KHDC4: variants seen among roughly 807,000 people sequenced by gnomAD.
The protein encoded by KHDC4 is KH homology domain-containing protein 4.
In KHDC4, 19 loss-of-function variants were observed where a neutral mutation model predicts 74.5. The ratio of observed to expected loss-of-function variants is 0.26; its 90% CI spans 0.18 to 0.37. The LOEUF (loss-of-function observed/expected upper bound fraction) is 0.37. KHDC4 is among the 10% of genes least tolerant of loss of function. The pLI, the probability that KHDC4 is intolerant of heterozygous loss-of-function variation, is 1.00. For synonymous variants in KHDC4, 253 were observed against 266.1 expected (o/e 0.95, Z 0.48); for missense variants, 632 against 754.1 (o/e 0.84, Z 1.90).
chr1:155,919,994 T>A (rs759719348), intron 10 of KHDC4: 1 of 517,844 alleles, frequency 1.9e-6, no homozygotes, highest in Non-Finnish European at 3.9e-6. Flanking sequence ...ATGGCATGGG[T>A]ACACTATGAG....
intron 10 of KHDC4, among the ~76,000 whole-genome samples, chr1:155,919,267 C>T (rs1673800613): frequency 6.6e-6 from 1 of 152,070 alleles, no homozygotes; most frequent in African/African-American, 2.4e-5. Context: ...ACTGCGGCTG[C>T]CTTAACTCCC....
intron 4 of KHDC4, among the ~76,000 whole-genome samples, chr1:155,928,657 A>G (rs1674076535): frequency 6.6e-6 from 1 of 151,528 alleles, no homozygotes; most frequent in Non-Finnish European, 1.5e-5. Flanking sequence ...AAAAAAGTTA[A>G]GAAGTATATA....
chr1:155,924,578 T>TC (rs1163413238), intron 7 of KHDC4, among the ~76,000 whole-genome samples: 6 of 147,636 alleles, frequency 4.1e-5, no homozygotes, highest in African/African-American at 7.5e-5. Flanking sequence ...ATTTCTCTTT[T>TC]TTTTTTTTTT....
chr1:155,930,242 C>G (rs1674112357), intron 2 of KHDC4, among the ~76,000 whole-genome samples: 1 of 152,172 alleles, frequency 6.6e-6, no homozygotes, highest in South Asian at 2.1e-4. Context: ...ATCCAATGTA[C>G]AACTATCCTT....
Position 155,915,860 on chromosome 1 carries a change from A to G in KHDC4, c.1645+13T>C, listed in dbSNP as rs1342433179. 13 of 1,534,410 alleles carry G rather than the reference A, an allele frequency of 8.5e-6. No homozygotes were observed. The highest frequency in any genetic ancestry group is 2.3e-5 in the South Asian group (2 of 86,798). On this transcript the variant is annotated intron_variant, in intron 13 of 13. Coordinates refer to ENST00000368321, the MANE Select transcript of KHDC4 (RefSeq NM_014949.4). ...TAGCCACTCCCCTGTTCCCCCAGCTATATCACACTCACCATGGCTCCCTGT... is the reference window on the plus strand; with the variant it reads ...TAGCCACTCCCCTGTTCCCCCAGCTGTATCACACTCACCATGGCTCCCTGT...
chr1:155,929,753 T>C lies in KHDC4; in HGVS notation c.343A>G (p.Thr115Ala). 1 of 1,612,920 alleles carries C rather than the reference T, an allele frequency of 6.2e-7. No individual in the cohort carries two copies. The highest frequency in any genetic ancestry group is 8.5e-7 in the Non-Finnish European group (1 of 1,179,588). The change falls in exon 3 of 14, where the codon ACA becomes GCA. Residue 115 changes from threonine (T) to alanine (A), a missense_variant. Thr to Ala is a moderately conservative substitution (Grantham distance 58, BLOSUM62 0). Around this residue, in one of 4 missense-constraint regions of KHDC4, gnomAD observed 233 missense variants for 342.6 expected, o/e 0.68. Coordinates refer to ENST00000368321, the MANE Select transcript of KHDC4 (RefSeq NM_014949.4). ...AEVEINDVPL[T>A]CRNLLTRGQT... ...CCTCGAGTCAGCAAGTTCCTACATGTGAGAGGCACATCATTAATTTCTACT... is the reference window on the plus strand; with the variant it reads ...CCTCGAGTCAGCAAGTTCCTACATGCGAGAGGCACATCATTAATTTCTACT...
chr1:155,929,863 T>A (rs1674104472), intron 2 of KHDC4, 23 bp from the exon 3 acceptor site: 1 of 1,526,726 alleles, frequency 6.5e-7, no homozygotes, highest in African/African-American at 1.4e-5. Flanking sequence ...GAAATTAGAT[T>A]AAAAAGTTTT....
intron 6 of KHDC4, chr1:155,926,084 A>G (rs1361716845): frequency 4.3e-6 from 3 of 695,078 alleles, no homozygotes; most frequent in Non-Finnish European, 5.3e-6. Flanking sequence ...TTAGTCCTCC[A>G]GTTGTCATCA....
intron 10 of KHDC4, 32 bp from the exon 11 acceptor site, chr1:155,917,704 A>C (rs1673761845): frequency 2.8e-6 from 4 of 1,453,338 alleles, no homozygotes; most frequent in Non-Finnish European, 3.6e-6. Flanking sequence ...GAAGAAAAAA[A>C]GTGTGAGAAT....
intron 10 of KHDC4, among the ~76,000 whole-genome samples, chr1:155,918,971 G>GTTTT (rs66693073): frequency 1.1e-4 from 12 of 107,452 alleles, no homozygotes; most frequent in East Asian, 2.9e-4. Flanking sequence ...CTAACTCCCA[G>GTTTT]TTTTTTTTTT....
At chr1:155,926,020 T>C (rs962371261) in intron 6 of KHDC4, 177 bp from the exon 7 acceptor site, 1 of 757,976 alleles carries the variant, frequency 1.3e-6, no homozygotes, top group African/African-American at 1.7e-5. Context: ...TCTCCAACCC[T>C]TTTTTCTAGG....
intron 8 of KHDC4, among the ~76,000 whole-genome samples, chr1:155,923,021 C>T (rs1673900261): frequency 6.6e-6 from 1 of 151,832 alleles, no homozygotes; most frequent in South Asian, 2.1e-4. Flanking sequence ...CCGGCTAAAA[C>T]GGTGAAACCC....
chr1:155,927,011 A>G (rs955781246), intron 5 of KHDC4, 93 bp downstream of exon 5: 2 of 1,365,094 alleles, frequency 1.5e-6, no homozygotes, highest in African/African-American at 2.9e-5. Flanking sequence ...AAGGGTTAGA[A>G]CAGCCATCAG....
chr1:155,929,449 T>G (rs1045550584), intron 3 of KHDC4, 74 bp from the exon 4 acceptor site: 6 of 1,226,094 alleles, frequency 4.9e-6, no homozygotes, highest in Non-Finnish European at 7.2e-6. Context: ...TTTCTTCCCA[T>G]TCATTCATTC....
chr1:155,934,224 C>A (rs1674204316), intron 1 of KHDC4, 112 bp downstream of exon 1: 6 of 1,145,082 alleles, frequency 5.2e-6, no homozygotes, highest in African/African-American at 1.5e-5. Flanking sequence ...AAACGTCCAG[C>A]CCTTTACTTC....
At chr1:155,922,290 C>T (rs932498624) in intron 8 of KHDC4, among the ~76,000 whole-genome samples, 7 of 151,830 alleles carry the variant, frequency 4.6e-5, no homozygotes, top group Non-Finnish European at 8.8e-5. Flanking sequence ...GGACTACAGG[C>T]GCGTGCCACC....
chr1:155,933,891 GTGTA>G, intron 1 of KHDC4, 42 bp from the exon 2 acceptor site: 2 of 1,431,192 alleles, frequency 1.4e-6, no homozygotes, highest in Non-Finnish European at 1.9e-6. Context: ...CAAAGCTTTC[GTGTA>G]TGTTATTCTT....
intron 13 of KHDC4, chr1:155,914,965 A>T (rs1376453236): frequency 2.6e-5 from 4 of 152,284 alleles, no homozygotes; most frequent in Non-Finnish European, 5.9e-5. Context: ...GTATAAAATA[A>T]GTCGACTAAC....
intron 12 of KHDC4, 39 bp downstream of exon 12, chr1:155,916,586 A>G (rs1477987342): frequency 2.9e-6 from 4 of 1,373,950 alleles, no homozygotes; most frequent in Non-Finnish European, 4.1e-6. Flanking sequence ...GTGCAAACAA[A>G]TAACATCTGA....
Sources: allele counts gnomAD v4.1 joint callset (sites outside exome capture counted in the v4.1 genomes callset), GRCh38; gene constraint gnomAD v4.1.1; regional missense constraint gnomAD v4.1.1; transcripts MANE v1.5; gene names NCBI Gene and HGNC (gene_info 2026-07-23, HGNC 2026-07-21).